TANC2: variants seen among roughly 807,000 people sequenced by gnomAD.
TANC2 encodes the protein protein TANC2.
TANC2 carries 26 observed loss-of-function variants against 210.5 expected under a neutral mutation model. That is an observed-to-expected ratio of 0.12 (90% CI 0.09 to 0.17). The LOEUF (loss-of-function observed/expected upper bound fraction) is 0.17. TANC2 is among the 10% of genes least tolerant of loss of function. The probability of loss-of-function intolerance (pLI) is 1.00; values close to 1 mark genes in which losing one functional copy is unlikely to be tolerated. For synonymous variants in TANC2, 931 were observed against 967.1 expected (o/e 0.96, Z 0.69); for missense variants, 2,129 against 2,608.9 (o/e 0.82, Z 4.01).
rs181703836 is a variant in TANC2 at position 63,256,625 on chromosome 17, A to G, written c.1034-11123A>G. Among the ~76,000 whole-genome samples, 30 of 152,348 alleles carry G rather than the reference A, an allele frequency of 2.0e-4. 1 individual carries two copies. The highest frequency in any genetic ancestry group is 2.0e-3 in the Admixed American group (30 of 15,302). On this transcript the variant is annotated intron_variant, in intron 8 of 27. Coordinates refer to ENST00000689528, the Ensembl canonical transcript of TANC2. ...ATTAGATCCATTTGGTCTATAATGC[A>G]GATTAAGTCGAATGTTTCTTTTGAT...
chr17:63,119,141 A>T (rs1259107791), intron 4 of TANC2, among the ~76,000 whole-genome samples: 1 of 152,030 alleles, frequency 6.6e-6, no homozygotes, highest in Non-Finnish European at 1.5e-5. Flanking sequence ...GCCTAGGCTG[A>T]TCTCAAACTT....
chr17:63,099,723 A>G (rs2144907492), intron 4 of TANC2, among the ~76,000 whole-genome samples: 1 of 152,306 alleles, frequency 6.6e-6, no homozygotes, highest in South Asian at 2.1e-4. Context: ...TAGGAGCTTG[A>G]TAGTTCAGCA....
At chr17:63,066,252 G>T (rs2036192060) in intron 2 of TANC2, among the ~76,000 whole-genome samples, 1 of 152,076 alleles carries the variant, frequency 6.6e-6, no homozygotes, top group Non-Finnish European at 1.5e-5. Flanking sequence ...CCTGTGGCTG[G>T]CCTGGAGTCT....
At chr17:63,419,874 G>C in intron 27 of TANC2, 125 bp from the exon 28 acceptor site, 1 of 1,165,252 alleles carries the variant, frequency 8.6e-7, no homozygotes, top group Non-Finnish European at 1.2e-6. Context: ...CAACTAAACC[G>C]AAATACCCCA....
intron 9 of TANC2, among the ~76,000 whole-genome samples, chr17:63,283,894 A>C (rs4968761): frequency 0.23 from 34,646 of 151,818 alleles, 4,041 homozygotes; most frequent in South Asian, 0.31. Context: ...TAGATTCAGT[A>C]AGATTTTCTG....
At chr17:63,305,727 A>G (rs2044878956) in intron 9 of TANC2, 1 of 152,234 alleles carries the variant, frequency 6.6e-6, no homozygotes, top group Admixed American at 6.5e-5. Flanking sequence ...AATGAGGACT[A>G]GATTGATTAA....
At chr17:63,114,731 G>GA (rs1253248669) in intron 4 of TANC2, among the ~76,000 whole-genome samples, 2 of 151,954 alleles carry the variant, frequency 1.3e-5, no homozygotes, top group East Asian at 3.9e-4. Flanking sequence ...TAGCAAGACT[G>GA]AAAAAAGAAT....
At chr17:63,415,486 A>T in intron 25 of TANC2, 42 bp from the exon 26 acceptor site, 1 of 1,607,144 alleles carries the variant, frequency 6.2e-7, no homozygotes, top group South Asian at 1.1e-5. Flanking sequence ...TCAGCTGTTC[A>T]GCAGACCAAC....
intron 11 of TANC2, among the ~76,000 whole-genome samples, chr17:63,336,694 G>A (rs1245728281): frequency 6.6e-6 from 1 of 152,112 alleles, no homozygotes; most frequent in Non-Finnish European, 1.5e-5. Flanking sequence ...TGCTGTGGAT[G>A]AAATTGTTTT....
chr17:63,159,402 A>T (rs575455689), intron 5 of TANC2, among the ~76,000 whole-genome samples: 1 of 152,330 alleles, frequency 6.6e-6, no homozygotes, highest in Middle Eastern at 3.4e-3. Context: ...AGTTATCCGT[A>T]TTATATAAAA....
At chr17:63,411,150 G>A (rs1599068016) in intron 21 of TANC2, among the ~76,000 whole-genome samples, 2 of 152,014 alleles carry the variant, frequency 1.3e-5, no homozygotes, top group Admixed American at 1.3e-4. Context: ...GGAGATCCGA[G>A]AGGCAGAGAG....
At chr17:63,398,501 T>C (rs937717724) in intron 18 of TANC2, among the ~76,000 whole-genome samples, 1 of 152,012 alleles carries the variant, frequency 6.6e-6, no homozygotes, top group Non-Finnish European at 1.5e-5. Flanking sequence ...TTTTCTCGTA[T>C]TTATTTTCTA....
chr17:63,359,940 GT>G (rs1458497248), intron 14 of TANC2, among the ~76,000 whole-genome samples: 1 of 152,170 alleles, frequency 6.6e-6, no homozygotes, highest in Non-Finnish European at 1.5e-5. Flanking sequence ...GTTTGTCGAG[GT>G]TTTTCCTAAT....
intron 9 of TANC2, among the ~76,000 whole-genome samples, chr17:63,312,971 G>T (rs557805858): frequency 6.6e-6 from 1 of 152,100 alleles, no homozygotes; most frequent in Non-Finnish European, 1.5e-5. Flanking sequence ...TGGCTTTCAG[G>T]CAGTTTTAAA....
At chr17:63,205,102 TG>T (rs1567813114) in intron 7 of TANC2, among the ~76,000 whole-genome samples, 1 of 151,568 alleles carries the variant, frequency 6.6e-6, no homozygotes, top group Non-Finnish European at 1.5e-5. Context: ...AATAAATAAA[TG>T]AAAATAAAGA....
intron 7 of TANC2, among the ~76,000 whole-genome samples, chr17:63,202,945 C>G (rs915390737): frequency 6.6e-6 from 1 of 151,926 alleles, no homozygotes; most frequent in Non-Finnish European, 1.5e-5. Context: ...ATATGAACAC[C>G]AAATTTCTTG....
intron 9 of TANC2, among the ~76,000 whole-genome samples, chr17:63,308,041 AG>A (rs2044984008): frequency 6.6e-6 from 1 of 152,182 alleles, no homozygotes; most frequent in Non-Finnish European, 1.5e-5. Flanking sequence ...CTGGGATTAC[AG>A]GGGTGAGCCA....
At chr17:63,284,852 A>C (rs1307433797) in intron 9 of TANC2, among the ~76,000 whole-genome samples, 1 of 151,980 alleles carries the variant, frequency 6.6e-6, no homozygotes, top group Admixed American at 6.6e-5. Context: ...GCAAAAATGG[A>C]TTTTGTGGAT....
chr17:63,392,482 G>A (rs2048012683), intron 17 of TANC2, among the ~76,000 whole-genome samples: 1 of 152,074 alleles, frequency 6.6e-6, no homozygotes. Context: ...ACTTTTCAAT[G>A]TTATCCTCAA....
Sources: gnomAD v4.1 joint callset for allele counts (sites outside exome capture counted in the v4.1 genomes callset) on GRCh38, gnomAD v4.1.1 for gene constraint, MANE v1.5 for transcripts, NCBI Gene and HGNC (gene_info 2026-07-23, HGNC 2026-07-21) for gene names.